The following ITK variants were observed in gnomAD, a reference collection of about 807,000 sequenced individuals.
The protein encoded by ITK is IL2 inducible T cell kinase.
In ITK, 45 loss-of-function variants were observed where a neutral mutation model predicts 87.6. The observed-to-expected ratio is 0.51, with a 90% CI of 0.40 to 0.66. The LOEUF is 0.66. ITK is among the 30% of genes least tolerant of loss of function. The pLI is 0.00. For synonymous variants in ITK, 303 were observed against 273.6 expected (o/e 1.11, Z -1.06); for missense variants, 605 against 766.3 (o/e 0.79, Z 2.48).
chr5:157,221,494 T>C (rs1312117235), intron 5 of ITK, among the ~76,000 whole-genome samples: 7 of 152,126 alleles, frequency 4.6e-5, no homozygotes, highest in Non-Finnish European at 1.0e-4. Context: ...GTGGGGAATG[T>C]GGGACTCTAC....
At chr5:157,181,708 C>T (rs1479219550) in intron 1 of ITK, among the ~76,000 whole-genome samples, 2 of 152,206 alleles carry the variant, frequency 1.3e-5, no homozygotes, top group Non-Finnish European at 2.9e-5. Context: ...TGGCAAACCT[C>T]TTCATCTCTT....
intron 1 of ITK, among the ~76,000 whole-genome samples, chr5:157,206,644 A>G (rs1754084626): frequency 6.6e-6 from 1 of 151,992 alleles, no homozygotes; most frequent in Non-Finnish European, 1.5e-5. Context: ...GAATGGATTC[A>G]TTTTTCTAGG....
intron 1 of ITK, among the ~76,000 whole-genome samples, chr5:157,206,058 T>A (rs927296150): frequency 2.0e-5 from 3 of 149,530 alleles, no homozygotes; most frequent in African/African-American, 7.4e-5. Context: ...TCACTGCAAC[T>A]TCTGTCCACC....
chr5:157,245,551 C>T (rs1306443351), intron 13 of ITK, 175 bp from the exon 14 acceptor site: 1 of 672,618 alleles, frequency 1.5e-6, no homozygotes, highest in Non-Finnish European at 2.7e-6. Context: ...TTCAACTTTC[C>T]AGTTAACTTC....
intron 1 of ITK, among the ~76,000 whole-genome samples, chr5:157,191,923 A>G (rs1670945826): frequency 6.6e-6 from 1 of 152,218 alleles, no homozygotes; most frequent in African/African-American, 2.4e-5. Context: ...ACAGGATAAG[A>G]ACATTTTCTG....
At chr5:157,244,167 A>G in intron 12 of ITK, 95 bp from the exon 13 acceptor site, 1 of 995,380 alleles carries the variant, frequency 1.0e-6, no homozygotes, top group Non-Finnish European at 1.6e-6. Context: ...CATAAATTAG[A>G]CAAAATGACC....
At chr5:157,184,063 C>T (rs1039374506) in intron 1 of ITK, among the ~76,000 whole-genome samples, 4 of 152,164 alleles carry the variant, frequency 2.6e-5, no homozygotes, top group African/African-American at 7.2e-5. Flanking sequence ...CTTGCTGGAG[C>T]AGTGGGCCAG....
Position 157,243,603 on chromosome 5 carries a change from ACTCT to A in ITK, c.1061-9_1061-6del. ...ATCTACTGCTTGCTGACCCCAGAGA[ACTCT>A]CTCTCTCTCTTCCAGGGAAATGGGT... On this transcript the variant is annotated splice_polypyrimidine_tract_variant and intron_variant, in intron 11 of 16. Coordinates refer to ENST00000422843, the MANE Select transcript of ITK (RefSeq NM_005546.4). The A allele has an allele frequency of 1.9e-6, 3 of 1,586,946 alleles. No individual in the cohort carries two copies. Among genetic ancestry groups the A allele is most frequent in the Non-Finnish European group, 2.6e-6 (3 of 1,157,522 alleles).
chr5:157,186,334 T>C (rs901582033), intron 1 of ITK, among the ~76,000 whole-genome samples: 3 of 151,764 alleles, frequency 2.0e-5, no homozygotes, highest in Admixed American at 1.3e-4. Context: ...ATCCTTGTCT[T>C]TATTCACTTC....
intron 15 of ITK, among the ~76,000 whole-genome samples, chr5:157,246,767 G>T (rs983520645): frequency 1.3e-5 from 2 of 152,154 alleles, no homozygotes; most frequent in Non-Finnish European, 2.9e-5. Context: ...CAGTGTCCCT[G>T]ACAGAGGGAC....
chr5:157,214,956 T>A (rs1417482018), intron 4 of ITK, among the ~76,000 whole-genome samples: 1 of 152,180 alleles, frequency 6.6e-6, no homozygotes, highest in Non-Finnish European at 1.5e-5. Context: ...AAAAGCTGTT[T>A]TTTTGCCTTT....
chr5:157,184,929 A>G (rs2113734943), intron 1 of ITK, among the ~76,000 whole-genome samples: 1 of 152,228 alleles, frequency 6.6e-6, no homozygotes, highest in Non-Finnish European at 1.5e-5. Flanking sequence ...TTTACATGGA[A>G]CAAGAGAAAC....
At chr5:157,247,471 A>G (rs961996801) in intron 15 of ITK, among the ~76,000 whole-genome samples, 6 of 152,202 alleles carry the variant, frequency 3.9e-5, no homozygotes, top group Admixed American at 2.6e-4. Context: ...GGGCCCCACA[A>G]TGAGACATTT....
intron 8 of ITK, among the ~76,000 whole-genome samples, chr5:157,235,428 G>A (rs971592221): frequency 6.6e-6 from 1 of 152,118 alleles, no homozygotes; most frequent in African/African-American, 2.4e-5. Context: ...GAACCTTTAT[G>A]GGTCAAATGT....
At chr5:157,237,841 A>G (rs1754807974) in intron 8 of ITK, among the ~76,000 whole-genome samples, 1 of 152,240 alleles carries the variant, frequency 6.6e-6, no homozygotes, top group South Asian at 2.1e-4. Context: ...AGTCTGATAC[A>G]TGGGGAGCTC....
intron 7 of ITK, among the ~76,000 whole-genome samples, chr5:157,230,215 G>A (rs909736882): frequency 5.3e-5 from 8 of 152,146 alleles, no homozygotes; most frequent in African/African-American, 1.9e-4. Context: ...GTCAATCTAT[G>A]TCTATCTAAA....
intron 1 of ITK, among the ~76,000 whole-genome samples, chr5:157,205,465 T>A (rs1221422684): frequency 6.6e-6 from 1 of 152,228 alleles, no homozygotes; most frequent in Non-Finnish European, 1.5e-5. Context: ...AAAATAATTT[T>A]AAAAACTTTT....
chr5:157,237,357 A>G (rs778231325), intron 8 of ITK, among the ~76,000 whole-genome samples: 4 of 152,204 alleles, frequency 2.6e-5, no homozygotes, highest in Non-Finnish European at 4.4e-5. Context: ...AGATAGTAAC[A>G]ATAGACAGTG....
chr5:157,217,066 C>T (rs933919057), intron 4 of ITK, among the ~76,000 whole-genome samples: 1 of 152,064 alleles, frequency 6.6e-6, no homozygotes, highest in Non-Finnish European at 1.5e-5. Context: ...CAGTGCCTCC[C>T]GTACCACAGA....
Sources: allele counts gnomAD v4.1 joint callset (sites outside exome capture counted in the v4.1 genomes callset), GRCh38; gene constraint gnomAD v4.1.1; transcripts MANE v1.5; gene names NCBI Gene and HGNC (gene_info 2026-07-23, HGNC 2026-07-21).